The following TDG variants were observed in gnomAD, a reference collection of about 807,000 sequenced individuals.
TDG encodes the protein G/T mismatch-specific thymine DNA glycosylase.
Under a neutral mutation model 46.1 loss-of-function variants are expected in TDG, and 23 were observed. That is an observed-to-expected ratio of 0.50 (90% CI 0.36 to 0.71). TDG has a LOEUF of 0.71. TDG is among the 30% of genes least tolerant of loss of function. The pLI is 0.00. For synonymous variants in TDG, 115 were observed against 161.3 expected (o/e 0.71, Z 2.18); for missense variants, 304 against 486.7 (o/e 0.62, Z 3.53).
At chr12:103,979,237 G>T (rs1409650808) in intron 2 of TDG, among the ~76,000 whole-genome samples, 1 of 151,458 alleles carries the variant, frequency 6.6e-6, no homozygotes, top group South Asian at 2.1e-4. Flanking sequence ...CGAGTAGTTG[G>T]AATTACAGGT....
chr12:103,977,409 A>G (rs946100233), intron 2 of TDG, among the ~76,000 whole-genome samples: 3 of 152,202 alleles, frequency 2.0e-5, no homozygotes, highest in African/African-American at 7.2e-5. Context: ...GAGAAATAAC[A>G]CCAGGGCTCT....
Position 103,965,893 on chromosome 12 carries a change from G to A in TDG, c.-145G>A, listed in dbSNP as rs1490442559. 1 of 1,294,426 alleles carries A rather than the reference G, an allele frequency of 7.7e-7. No homozygotes were observed. Among genetic ancestry groups the A allele is most frequent in the Non-Finnish European group, 1.0e-6 (1 of 952,392 alleles). 80.2% of individuals were successfully genotyped at this position (1,294,426 alleles called of 1,614,324 possible). A position where few individuals can be genotyped will look rare whatever the true frequency, so the allele number is the denominator to read the frequency against. On this transcript the variant is annotated 5_prime_UTR_variant, in exon 1 of 10. Transcript: ENST00000392872. ...CGGTAGAAGCCTGGAGGAGGAGCTTGAGTCCAGCCACTGTCTGGGTACTGC... is the reference window on the plus strand; with the variant it reads ...CGGTAGAAGCCTGGAGGAGGAGCTTAAGTCCAGCCACTGTCTGGGTACTGC...
chr12:103,980,766 A>T, intron 3 of TDG, 127 bp from the exon 4 acceptor site: 1 of 706,632 alleles, frequency 1.4e-6, no homozygotes. Flanking sequence ...GATAAATGAT[A>T]TTGCTTATGA....
chr12:103,971,051 T>C (rs532254079), intron 1 of TDG, among the ~76,000 whole-genome samples: 1 of 152,330 alleles, frequency 6.6e-6, no homozygotes, highest in Middle Eastern at 3.4e-3. Context: ...GTAAAGATTA[T>C]CTAAAGTATA....
At chr12:103,984,955 G>T in intron 8 of TDG, 35 bp downstream of exon 8, 3 of 1,499,126 alleles carry the variant, frequency 2.0e-6, no homozygotes, top group Non-Finnish European at 2.7e-6. Context: ...TATTCATTTT[G>T]TGTGTGTATA....
intron 8 of TDG, 133 bp downstream of exon 8, chr12:103,985,053 A>G (rs11834638): frequency 1.5e-5 from 7 of 473,640 alleles, no homozygotes; most frequent in African/African-American, 6.9e-5. Flanking sequence ...GCACACGTGT[A>G]TATATACATG....
In TDG at chr12:103,987,437, C is replaced by CT; in HGVS notation, c.*348dup. 5.1e-6 allele frequency: 1 copy of CT among 194,854 alleles called. No homozygotes were observed. Among genetic ancestry groups the CT allele is most frequent in the South Asian group, 1.2e-4 (1 of 8,132 alleles). The allele number at this position is 194,854 out of a possible 1,614,324, so 12.1% of individuals were successfully genotyped here. A position where few individuals can be genotyped will look rare whatever the true frequency, so the allele number is the denominator to read the frequency against. On this transcript the variant is annotated 3_prime_UTR_variant, in exon 10 of 10. Coordinates refer to ENST00000392872, the MANE Select transcript of TDG (RefSeq NM_003211.6). ...ATAGTTGATTCTTAACTGCATAAAC[C>CT]TAGATATACCATTATCCCTTTTATA... is the stretch of plus-strand genomic sequence containing the variant.
At chr12:103,980,847 A>C in intron 3 of TDG, 46 bp from the exon 4 acceptor site, 1 of 1,576,216 alleles carries the variant, frequency 6.3e-7, no homozygotes, top group Non-Finnish European at 8.7e-7. Flanking sequence ...GCTAAGGCTT[A>C]GGTCCTGCTT....
Position 103,980,925 on chromosome 12 carries a change from C to CA in TDG, c.444dup (p.Gly149ArgfsTer22). ...TAAACCCGGGACTAATGGCTGCTTA[C>CA]AAAGGGCATCATTACCCTGGACCTG... On this transcript the variant is annotated frameshift_variant, in exon 4 of 10. Coordinates refer to ENST00000392872, the MANE Select transcript of TDG (RefSeq NM_003211.6). LOFTEE classifies it high-confidence loss of function. The CA allele has an allele frequency of 6.2e-7, 1 of 1,613,670 alleles. No individual in the cohort carries two copies.
chr12:103,971,759 G>A (rs1420470180), intron 1 of TDG, among the ~76,000 whole-genome samples: 1 of 152,156 alleles, frequency 6.6e-6, no homozygotes, highest in Non-Finnish European at 1.5e-5. Context: ...AATCGTGCTT[G>A]TAAGTTTAAC....
At chr12:103,982,348 G>T (rs1435299361) in intron 4 of TDG, among the ~76,000 whole-genome samples, 2 of 152,272 alleles carry the variant, frequency 1.3e-5, no homozygotes, top group African/African-American at 4.8e-5. Flanking sequence ...TGAGGTGGTG[G>T]TATCACCAAT....
intron 1 of TDG, among the ~76,000 whole-genome samples, chr12:103,970,046 T>C (rs1871226393): frequency 6.6e-6 from 1 of 152,258 alleles, no homozygotes; most frequent in South Asian, 2.1e-4. Context: ...ATAATAGTTA[T>C]GGTGCTATCG....
intron 1 of TDG, among the ~76,000 whole-genome samples, chr12:103,976,692 C>G (rs572026041): frequency 6.6e-6 from 1 of 152,142 alleles, no homozygotes; most frequent in Non-Finnish European, 1.5e-5. Context: ...CACATCTTAT[C>G]ATTTAAACAG....
intron 1 of TDG, among the ~76,000 whole-genome samples, chr12:103,974,879 G>A (rs4964164): frequency 0.088 from 13,259 of 151,230 alleles, 760 homozygotes; most frequent in East Asian, 0.31. Flanking sequence ...GGAGGCTGAG[G>A]CAGGAGAATG....
Position 103,965,889 on chromosome 12 carries a change from G to T in TDG, c.-149G>T. 1 of 1,266,972 alleles carries T rather than the reference G, an allele frequency of 7.9e-7. No individual in the cohort carries two copies. Among genetic ancestry groups the T allele is most frequent in the South Asian group, 1.5e-5 (1 of 67,768 alleles). 78.5% of individuals were successfully genotyped at this position (1,266,972 alleles called of 1,614,324 possible). A position where few individuals can be genotyped will look rare whatever the true frequency, so the allele number is the denominator to read the frequency against. ...GGGACGGTAGAAGCCTGGAGGAGGA[G>T]CTTGAGTCCAGCCACTGTCTGGGTA... On this transcript the variant is annotated 5_prime_UTR_variant, in exon 1 of 10. Transcript: ENST00000392872.
rs1313558759 is a variant in TDG at position 103,982,991 on chromosome 12, A to T, written c.614+57A>T. 1.9e-6 allele frequency: 3 copies of T among 1,603,842 alleles called. No homozygotes were observed. In the South Asian group the frequency reaches 3.4e-5, roughly 18 times the overall value. ...GAACCTTGAGTATGCTGGTGCCCCAAATATTCTAGGAACATCATATGTATC... is the reference window on the plus strand; with the variant it reads ...GAACCTTGAGTATGCTGGTGCCCCATATATTCTAGGAACATCATATGTATC... On this transcript the variant is annotated intron_variant, in intron 5 of 9. Coordinates refer to ENST00000392872, the MANE Select transcript of TDG (RefSeq NM_003211.6).
At chr12:103,978,908 A>C (rs1360540829) in intron 2 of TDG, among the ~76,000 whole-genome samples, 1 of 152,058 alleles carries the variant, frequency 6.6e-6, no homozygotes, top group Non-Finnish European at 1.5e-5. Flanking sequence ...TATGCAACCT[A>C]AAATGTCAAT....
At chr12:103,974,986 A>G (rs1400099613) in intron 1 of TDG, among the ~76,000 whole-genome samples, 1 of 149,538 alleles carries the variant, frequency 6.7e-6, no homozygotes, top group African/African-American at 2.4e-5. Flanking sequence ...AAAAAAAAAA[A>G]AAAAAAAGAA....
At chr12:103,972,822 G>C (rs1368798427) in intron 1 of TDG, 2 of 456,958 alleles carry the variant, frequency 4.4e-6, no homozygotes, top group Non-Finnish European at 3.8e-6. Context: ...CTAGAATTTT[G>C]ATTTTCAGCT....
Sources: allele counts gnomAD v4.1 joint callset (sites outside exome capture counted in the v4.1 genomes callset), GRCh38; gene constraint gnomAD v4.1.1; transcripts MANE v1.5; gene names NCBI Gene and HGNC (gene_info 2026-07-23, HGNC 2026-07-21).